Variants in BCR observed in about 807,000 individuals in gnomAD.
BCR encodes the protein BCR activator of RhoGEF and GTPase.
BCR carries 58 observed loss-of-function variants against 138.6 expected under a neutral mutation model. The ratio of observed to expected loss-of-function variants is 0.42; its 90% CI spans 0.34 to 0.52. BCR has a LOEUF of 0.52. Ranked by LOEUF, BCR falls within the 20% of genes least tolerant of loss-of-function variation. BCR has a pLI of 0.06. For synonymous variants in BCR, 786 were observed against 730.1 expected, an observed-to-expected ratio of 1.08 and a Z score of -1.23; for missense variants, 1,599 against 1,727.2, an observed-to-expected ratio of 0.93 and a Z score of 1.32.
At chr22:23,291,599 C>T (rs1049422754) in intron 14 of BCR, among the ~76,000 whole-genome samples, 8 of 152,100 alleles carry the variant, frequency 5.3e-5, no homozygotes, top group Non-Finnish European at 8.8e-5. Flanking sequence ...CCCGTGGTCC[C>T]GGGCTTGTCT....
chr22:23,245,352 A>AC (rs2073144234), intron 1 of BCR, among the ~76,000 whole-genome samples: 2 of 151,768 alleles, frequency 1.3e-5, no homozygotes, highest in East Asian at 3.9e-4. Flanking sequence ...CTGATTCATG[A>AC]CCCTGACCTC....
chr22:23,204,382 C>T (rs759180671), intron 1 of BCR, among the ~76,000 whole-genome samples: 1 of 145,476 alleles, frequency 6.9e-6, no homozygotes, highest in Non-Finnish European at 1.5e-5. Context: ...TTTTTAAGAT[C>T]CGTTAGTTTT....
chr22:23,223,410 G>A (rs866399006), intron 1 of BCR, among the ~76,000 whole-genome samples: 3 of 152,208 alleles, frequency 2.0e-5, no homozygotes, highest in Non-Finnish European at 4.4e-5. Flanking sequence ...CAGGGGCCTT[G>A]AGGCTGGGCT....
At chr22:23,290,823 T>C (rs920678749) in intron 14 of BCR, 34 of 211,170 alleles carry the variant, frequency 1.6e-4, no homozygotes, top group African/African-American at 7.0e-4. Context: ...TGGATACTAC[T>C]TTTTTTTTCC....
intron 9 of BCR, 85 bp from the exon 10 acceptor site, chr22:23,284,948 A>C (rs2146300792): frequency 6.8e-7 from 1 of 1,464,028 alleles, no homozygotes; most frequent in East Asian, 2.3e-5. Flanking sequence ...GGCCGAGAAC[A>C]CTGGCTCTTG....
At chr22:23,262,710 CGGGCCCGGGTG>C in intron 4 of BCR, 4 of 772,776 alleles carry the variant, frequency 5.2e-6, no homozygotes, top group Non-Finnish European at 6.3e-6. Context: ...CGGGTGAGGG[CGGGCCCGGGTG>C]AGGGCGGGGG....
At chr22:23,250,789 G>T (rs975647899) in intron 1 of BCR, among the ~76,000 whole-genome samples, 4 of 152,194 alleles carry the variant, frequency 2.6e-5, no homozygotes, top group Admixed American at 6.5e-5. Flanking sequence ...AGGAGTTGGA[G>T]ACTAGCCTAG....
Position 23,180,866 on chromosome 22 carries a change from C to T in BCR, c.-95C>T, listed in dbSNP as rs1354909141. ...CCGCCGCCGCGCGGGCCATGGGGGC[C>T]GCCCGGCGCCCGGGGCCGGGCTGGC... On this transcript the variant is annotated 5_prime_UTR_variant, in exon 1 of 23. Coordinates refer to ENST00000305877, the MANE Select transcript of BCR (RefSeq NM_004327.4). 4.1e-5 allele frequency: 30 copies of T among 728,766 alleles called. No individual in the cohort carries two copies. Among genetic ancestry groups the T allele is most frequent in the Non-Finnish European group, 4.5e-5 (29 of 643,288 alleles). The allele number at this position is 728,766 out of a possible 1,614,324, so 45.1% of individuals were successfully genotyped here. A position where few individuals can be genotyped will look rare whatever the true frequency, so the allele number is the denominator to read the frequency against.
chr22:23,297,479 G>A (rs1231192653), intron 16 of BCR, among the ~76,000 whole-genome samples: 1 of 151,984 alleles, frequency 6.6e-6, no homozygotes, highest in African/African-American at 2.4e-5. Context: ...CAGGGCCCTG[G>A]GTATTCAGGG....
intron 3 of BCR, 128 bp from the exon 4 acceptor site, chr22:23,261,227 G>A: frequency 1.5e-6 from 2 of 1,297,324 alleles, no homozygotes; most frequent in Non-Finnish European, 2.1e-6. Flanking sequence ...TTTTAAAATT[G>A]TATTTGTTAT....
At chr22:23,290,458 GTC>G in intron 14 of BCR, 45 bp downstream of exon 14, 1 of 1,579,740 alleles carries the variant, frequency 6.3e-7, no homozygotes. Flanking sequence ...CCGAGCCAGG[GTC>G]TCCACCCAGG....
intron 8 of BCR, among the ~76,000 whole-genome samples, chr22:23,278,658 C>T (rs2073607039): frequency 6.6e-6 from 1 of 151,998 alleles, no homozygotes; most frequent in African/African-American, 2.4e-5. Context: ...ACCTGGGAGG[C>T]GGAGGTGGCC....
chr22:23,273,029 C>T, intron 6 of BCR, 52 bp from the exon 7 acceptor site: 3 of 1,594,200 alleles, frequency 1.9e-6, no homozygotes, highest in Non-Finnish European at 2.6e-6. Flanking sequence ...GGTCAGGCAG[C>T]TGGTGTGCTT....
intron 16 of BCR, chr22:23,307,807 C>T (rs131698): frequency 0.42 from 48,653 of 115,684 alleles, 12,460 homozygotes; most frequent in East Asian, 0.75. Flanking sequence ...GGTGAGCCTT[C>T]GTGCTGAGCA....
chr22:23,267,496 TG>T (rs1345515444), intron 4 of BCR, among the ~76,000 whole-genome samples: 2 of 152,124 alleles, frequency 1.3e-5, no homozygotes, highest in Admixed American at 1.3e-4. Flanking sequence ...TCAATATAAA[TG>T]CAAATGCACA....
At chr22:23,211,307 C>T (rs907215821) in intron 1 of BCR, among the ~76,000 whole-genome samples, 3 of 152,040 alleles carry the variant, frequency 2.0e-5, no homozygotes, top group South Asian at 2.1e-4. Flanking sequence ...ACACCATTCT[C>T]CTGCCTCAGC....
intron 15 of BCR, among the ~76,000 whole-genome samples, chr22:23,294,623 T>C (rs2073825428): frequency 6.6e-6 from 1 of 152,218 alleles, no homozygotes; most frequent in Non-Finnish European, 1.5e-5. Context: ...AGTCTCGTAC[T>C]CCTGGTCTCA....
At chr22:23,197,180 G>A (rs1028279630) in intron 1 of BCR, among the ~76,000 whole-genome samples, 2 of 152,178 alleles carry the variant, frequency 1.3e-5, no homozygotes, top group Non-Finnish European at 2.9e-5. Context: ...AGATACCACT[G>A]TGTCACAATT....
chr22:23,293,589 A>G (rs1303601603), intron 15 of BCR, among the ~76,000 whole-genome samples: 4 of 152,172 alleles, frequency 2.6e-5, no homozygotes, highest in Admixed American at 2.0e-4. Flanking sequence ...GATCCATCGA[A>G]GAAGCCTTTG....
Sources: allele counts gnomAD v4.1 joint callset (sites outside exome capture counted in the v4.1 genomes callset), GRCh38; gene constraint gnomAD v4.1.1; transcripts MANE v1.5; gene names NCBI Gene and HGNC (gene_info 2026-07-23, HGNC 2026-07-21).